Variants in CNTLN observed in about 807,000 individuals in gnomAD.
The protein encoded by CNTLN is centlein.
CNTLN carries 212 observed loss-of-function variants against 180.0 expected under a neutral mutation model. The ratio of observed to expected loss-of-function variants is 1.18; its 90% CI spans 1.05 to 1.32. The LOEUF is 1.32. Among genes scored for constraint, CNTLN ranks in the 40% most tolerant of loss-of-function variants. CNTLN has a pLI of 0.00. For missense variants in CNTLN, 2,095 were observed against 1,610.9 expected (o/e 1.30, Z -5.14); for synonymous variants, 722 against 563.1 (o/e 1.28, Z -3.99).
intron 15 of CNTLN, among the ~76,000 whole-genome samples, chr9:17,395,487 T>C (rs1826448641): frequency 6.6e-6 from 1 of 152,124 alleles, no homozygotes; most frequent in South Asian, 2.1e-4. Flanking sequence ...GGAGAAACAA[T>C]TTTCCCCCTT....
chr9:17,392,921 A>G (rs913634559), intron 14 of CNTLN, among the ~76,000 whole-genome samples: 1 of 152,024 alleles, frequency 6.6e-6, no homozygotes, highest in Non-Finnish European at 1.5e-5. Context: ...TGTTAAGAAT[A>G]TGTATGTTTT....
intron 12 of CNTLN, among the ~76,000 whole-genome samples, chr9:17,354,459 C>T (rs995947761): frequency 6.6e-6 from 1 of 152,116 alleles, no homozygotes; most frequent in African/African-American, 2.4e-5. Context: ...AAATATACAC[C>T]AATCGGCACT....
intron 12 of CNTLN, among the ~76,000 whole-genome samples, chr9:17,353,167 G>A (rs1459512150): frequency 6.6e-6 from 1 of 151,948 alleles, no homozygotes. Context: ...TGTTGCCTAG[G>A]CTAGTCTTGA....
At chr9:17,173,504 C>G (rs547161756) in intron 2 of CNTLN, among the ~76,000 whole-genome samples, 27 of 152,128 alleles carry the variant, frequency 1.8e-4, no homozygotes, top group Admixed American at 5.2e-4. Flanking sequence ...GAAGCGTGGA[C>G]AGATGCTTAT....
chr9:17,138,632 G>T (rs1817879658), intron 1 of CNTLN, among the ~76,000 whole-genome samples: 1 of 152,112 alleles, frequency 6.6e-6, no homozygotes, highest in Admixed American at 6.6e-5. Flanking sequence ...TATTTTTCAT[G>T]CTAATAATTT....
At chr9:17,415,652 C>T in intron 16 of CNTLN, 136 bp from the exon 17 acceptor site, 2 of 637,156 alleles carry the variant, frequency 3.1e-6, no homozygotes, top group Non-Finnish European at 5.5e-6. Flanking sequence ...AGTCCTCCTG[C>T]CTTGGTCTCC....
intron 5 of CNTLN, among the ~76,000 whole-genome samples, chr9:17,236,886 C>T (rs1459930515): frequency 7.9e-5 from 12 of 152,080 alleles, no homozygotes; most frequent in Admixed American, 2.0e-4. Flanking sequence ...AACTTTTTCA[C>T]TTAAGGCTTA....
intron 5 of CNTLN, among the ~76,000 whole-genome samples, chr9:17,265,118 C>G (rs201433211): frequency 0.048 from 6,718 of 139,572 alleles, 201 homozygotes; most frequent in East Asian, 0.16. Flanking sequence ...TGTCTTGTGC[C>G]AGTTTTCAAA....
intron 15 of CNTLN, among the ~76,000 whole-genome samples, chr9:17,403,630 CA>C (rs1303596903): frequency 1.3e-5 from 2 of 150,902 alleles, no homozygotes; most frequent in African/African-American, 4.9e-5. Flanking sequence ...CTTAGATTTA[CA>C]AAATGACTTA....
rs869072903 is a variant in CNTLN at position 17,352,410 on chromosome 9, ATATATATT to A, written c.1886+9968_1886+9975del. On this transcript the variant is annotated intron_variant, in intron 12 of 25. Transcript: ENST00000380647. ...CTAGAATATATATATATATATATAT[ATATATATT>A]TTTTTTTTTTTTGGTATGTAGAAAT... Among the ~76,000 whole-genome samples, 37 of 19,906 alleles carry A rather than the reference ATATATATT, an allele frequency of 1.9e-3. No homozygotes were observed. In the East Asian group the frequency reaches 0.03, roughly 16 times the overall value. The allele number at this position is 19,906 out of a possible 152,430, so 13.1% of individuals were successfully genotyped here.
chr9:17,198,100 T>A (rs1380172911), intron 2 of CNTLN, among the ~76,000 whole-genome samples: 1 of 152,366 alleles, frequency 6.6e-6, no homozygotes, highest in East Asian at 1.9e-4. Flanking sequence ...TCTATGTGTC[T>A]GTTTTTATGC....
At chr9:17,219,162 C>T (rs1398168177) in intron 2 of CNTLN, among the ~76,000 whole-genome samples, 1 of 151,902 alleles carries the variant, frequency 6.6e-6, no homozygotes, top group South Asian at 2.1e-4. Flanking sequence ...ATCATTATTG[C>T]ACATCAGTGG....
chr9:17,219,016 G>A (rs190397389), intron 2 of CNTLN, among the ~76,000 whole-genome samples: 1 of 152,276 alleles, frequency 6.6e-6, no homozygotes, highest in Non-Finnish European at 1.5e-5. Flanking sequence ...ATGTGGCTAA[G>A]TACAGCATTG....
At chr9:17,460,387 T>A (rs1317615438) in intron 19 of CNTLN, among the ~76,000 whole-genome samples, 1 of 151,758 alleles carries the variant, frequency 6.6e-6, no homozygotes, top group Non-Finnish European at 1.5e-5. Flanking sequence ...ACATCATACA[T>A]CAAAGGATGT....
chr9:17,283,599 C>G (rs10810746), intron 6 of CNTLN, among the ~76,000 whole-genome samples: 44,490 of 151,910 alleles, frequency 0.29, 6,578 homozygotes, highest in South Asian at 0.41. Context: ...TCTTTGTCTT[C>G]CCTGACTGCC....
At chr9:17,523,287 A>G in the CNTLN span, among the ~76,000 whole-genome samples, 1 of 152,136 alleles carries the variant, frequency 6.6e-6, no homozygotes, top group Non-Finnish European at 1.5e-5. Context: ...CCCAGGCTGG[A>G]GTGCAGTGGT....
At chr9:17,403,086 G>C (rs1827107872) in intron 15 of CNTLN, among the ~76,000 whole-genome samples, 1 of 151,718 alleles carries the variant, frequency 6.6e-6, no homozygotes, top group South Asian at 2.1e-4. Context: ...TTGGAAGATT[G>C]GTGACAGGGA....
chr9:17,177,175 T>G (rs1288339048), intron 2 of CNTLN, among the ~76,000 whole-genome samples: 1 of 152,134 alleles, frequency 6.6e-6, no homozygotes. Flanking sequence ...TTTGGGAGGC[T>G]GAGGCAGGCA....
At chr9:17,404,585 T>C (rs1472859403) in intron 15 of CNTLN, among the ~76,000 whole-genome samples, 1 of 151,706 alleles carries the variant, frequency 6.6e-6, no homozygotes, top group Admixed American at 6.6e-5. Flanking sequence ...AGGAGGACCA[T>C]GTTTGGAAAC....
Sources: gnomAD v4.1 joint callset for allele counts (sites outside exome capture counted in the v4.1 genomes callset) on GRCh38, gnomAD v4.1.1 for gene constraint, MANE v1.5 for transcripts, NCBI Gene and HGNC (gene_info 2026-07-23, HGNC 2026-07-21) for gene names.